PTPRG: variants seen among roughly 807,000 people sequenced by gnomAD.
PTPRG encodes the protein receptor-type tyrosine-protein phosphatase gamma.
In PTPRG, 102 loss-of-function variants were observed where a neutral mutation model predicts 165.3. The ratio of observed to expected loss-of-function variants is 0.62; its 90% CI spans 0.53 to 0.73. PTPRG has a LOEUF of 0.73. Ranked by LOEUF, PTPRG falls within the 30% of genes least tolerant of loss-of-function variation. PTPRG has a pLI of 0.00. For synonymous variants in PTPRG, 675 were observed against 669.5 expected, an observed-to-expected ratio of 1.01 and a Z score of -0.13; for missense variants, 1,866 against 1,861.4, an observed-to-expected ratio of 1.00 and a Z score of -0.05.
chr3:61,653,781 C>T (rs1472762673), intron 1 of PTPRG, among the ~76,000 whole-genome samples: 1 of 152,036 alleles, frequency 6.6e-6, no homozygotes, highest in East Asian at 1.9e-4. Flanking sequence ...CTAGAATCTG[C>T]TCGCCTGTGA....
chr3:61,941,296 G>T (rs1468648559), intron 2 of PTPRG, among the ~76,000 whole-genome samples: 1 of 152,198 alleles, frequency 6.6e-6, no homozygotes, highest in Non-Finnish European at 1.5e-5. Context: ...TCTCTATCAG[G>T]GATAATCTCA....
intron 1 of PTPRG, among the ~76,000 whole-genome samples, chr3:61,658,026 A>G (rs2107012458): frequency 6.6e-6 from 1 of 152,292 alleles, no homozygotes; most frequent in East Asian, 1.9e-4. Flanking sequence ...CTATGGACAG[A>G]CACACTCCAT....
chr3:61,795,084 T>TC (rs1299505257), intron 2 of PTPRG, among the ~76,000 whole-genome samples: 1 of 152,192 alleles, frequency 6.6e-6, no homozygotes, highest in African/African-American at 2.4e-5. Flanking sequence ...CATTTAATCC[T>TC]CCTGCCAGCC....
At chr3:62,156,970 G>A (rs1236003241) in intron 6 of PTPRG, 97 bp from the exon 7 acceptor site, 4 of 1,094,698 alleles carry the variant, frequency 3.7e-6, no homozygotes, top group South Asian at 1.4e-5. Context: ...TAAGGCTTGC[G>A]ATGTGGCACC....
chr3:62,265,896 T>TACACACACACAC lies in PTPRG; in HGVS notation c.2657-1495_2657-1484dup, dbSNP rs143246257. ...CACACGTATACATCTGTGCCTTATATACACACACACACACACACACACACA... is the reference window on the plus strand; with the variant it reads ...CACACGTATACATCTGTGCCTTATATACACACACACACACACACACACACACACACACACACA... On this transcript the variant is annotated intron_variant, in intron 17 of 29. Transcript: ENST00000474889. Among the ~76,000 whole-genome samples the TACACACACACAC allele has an allele frequency of 2.3e-3, 306 of 130,594 alleles. 3 individuals carry two copies. The highest frequency in any genetic ancestry group is 5.8e-3 in the African/African-American group (199 of 34,428). 85.7% of individuals were successfully genotyped at this position (130,594 alleles called of 152,430 possible).
Position 62,255,025 on chromosome 3 carries a change from A to C in PTPRG, c.2468-99A>C. 9.7e-7 allele frequency: 1 copy of C among 1,030,460 alleles called. No homozygotes were observed. Among genetic ancestry groups the C allele is most frequent in the Non-Finnish European group, 1.4e-6 (1 of 704,896 alleles). The allele number at this position is 1,030,460 out of a possible 1,614,324, so 63.8% of individuals were successfully genotyped here. On this transcript the variant is annotated intron_variant, in intron 15 of 29. Coordinates refer to ENST00000474889, the MANE Select transcript of PTPRG (RefSeq NM_002841.4). The surrounding 1 kb of genome is among the most constrained non-coding windows in gnomAD (Gnocchi z 4.0). The stretch of plus-strand genomic sequence containing the variant: ...TGATACAATTATTTTGCTCTTTGCA[A>C]AAATCAAGTATTTGTCTTAAGGATG...
At chr3:61,902,140 T>A (rs1393773597) in intron 2 of PTPRG, among the ~76,000 whole-genome samples, 3 of 152,240 alleles carry the variant, frequency 2.0e-5, no homozygotes, top group Non-Finnish European at 4.4e-5. Context: ...GTGTACCATA[T>A]GCAGACTGTT....
rs529103713 is a variant in PTPRG at position 61,949,988 on chromosome 3, C to T, written c.191-39637C>T. 5.3e-5 allele frequency among the ~76,000 whole-genome samples: 8 copies of T among 152,268 alleles called. No individual in the cohort carries two copies. The East Asian group carries it at 1.5e-3, about 29-fold the overall frequency. ...GTCTCAATCTCTTGACCTCATGATC[C>T]GCCTGCCTCGCCCTCCCAATGTGCT... On this transcript the variant is annotated intron_variant, in intron 2 of 29. Coordinates refer to ENST00000474889, the MANE Select transcript of PTPRG (RefSeq NM_002841.4).
At chr3:61,670,689 C>T (rs1350737843) in intron 1 of PTPRG, among the ~76,000 whole-genome samples, 1 of 152,104 alleles carries the variant, frequency 6.6e-6, no homozygotes, top group Admixed American at 6.5e-5. Flanking sequence ...TCTCGCAGTC[C>T]CCCGGCATTT....
intron 2 of PTPRG, among the ~76,000 whole-genome samples, chr3:61,870,402 T>G (rs923565487): frequency 1.0e-4 from 15 of 143,156 alleles, no homozygotes; most frequent in African/African-American, 3.9e-4. Context: ...AGCCTCCACC[T>G]CCTGGGTTCA....
chr3:61,994,347 A>G (rs891160487), intron 3 of PTPRG, among the ~76,000 whole-genome samples: 1 of 152,116 alleles, frequency 6.6e-6, no homozygotes, highest in Non-Finnish European at 1.5e-5. Context: ...ACTTTTTCTT[A>G]TATCCCACAC....
chr3:61,887,123 C>CACATATATATAT (rs2038061637), intron 2 of PTPRG, among the ~76,000 whole-genome samples: 1 of 85,976 alleles, frequency 1.2e-5, no homozygotes, highest in Non-Finnish European at 1.9e-5. Flanking sequence ...CCATAGCATG[C>CACATATATATAT]ATATATATAT....
intron 1 of PTPRG, among the ~76,000 whole-genome samples, chr3:61,572,811 C>G (rs534041500): frequency 1.3e-5 from 2 of 152,212 alleles, no homozygotes; most frequent in South Asian, 2.1e-4. Context: ...GGGCACACAC[C>G]TGTCCCGTAG....
At chr3:61,704,681 C>G (rs2031158139) in intron 1 of PTPRG, among the ~76,000 whole-genome samples, 1 of 150,948 alleles carries the variant, frequency 6.6e-6, no homozygotes, top group Admixed American at 6.6e-5. Flanking sequence ...AAGAAAAACT[C>G]CTCTGAGAAA....
intron 2 of PTPRG, among the ~76,000 whole-genome samples, chr3:61,829,022 A>G (rs2036192896): frequency 6.6e-6 from 1 of 152,166 alleles, no homozygotes. Context: ...ATATAGATAT[A>G]TATCCTTAGC....
At position 62,273,277 on chromosome 3, in the gene PTPRG, A is replaced by G. The variant is rs1441369791; in HGVS notation, c.3318+196A>G. Among the ~76,000 whole-genome samples the G allele has an allele frequency of 6.6e-6, 1 of 152,210 alleles. No homozygotes were observed. Among genetic ancestry groups the G allele is most frequent in the Non-Finnish European group, 1.5e-5 (1 of 68,038 alleles). ...TTTCTGTATGGATCTTAACATTTGG[A>G]TTCCTAAATAACTACACAAGTACTT... is the stretch of plus-strand genomic sequence containing the variant. On this transcript the variant is annotated intron_variant, in intron 22 of 29. Coordinates refer to ENST00000474889, the MANE Select transcript of PTPRG (RefSeq NM_002841.4). This position sits in a 1 kb window ranked among gnomAD's most constrained non-coding sequence, Gnocchi z 4.1.
chr3:61,897,702 G>A (rs951509980), intron 2 of PTPRG, among the ~76,000 whole-genome samples: 4 of 152,072 alleles, frequency 2.6e-5, no homozygotes, highest in African/African-American at 9.7e-5. Context: ...TTGAGTCTAG[G>A]AACACACTGT....
chr3:61,854,512 T>C (rs2037048587), intron 2 of PTPRG, among the ~76,000 whole-genome samples: 1 of 152,236 alleles, frequency 6.6e-6, no homozygotes, highest in African/African-American at 2.4e-5. Context: ...TCTGTGCCTG[T>C]TCAGTGTGTA....
chr3:61,800,547 A>C (rs1292574547), intron 2 of PTPRG, among the ~76,000 whole-genome samples: 2 of 151,972 alleles, frequency 1.3e-5, no homozygotes, highest in Admixed American at 6.6e-5. Flanking sequence ...CCCTAGTCTG[A>C]TTTCTCAGGA....
Sources: gnomAD v4.1 joint callset for allele counts (sites outside exome capture counted in the v4.1 genomes callset) on GRCh38, gnomAD v4.1.1 for gene constraint, Gnocchi (gnomAD v3.1) non-coding constraint, MANE v1.5 for transcripts, NCBI Gene and HGNC (gene_info 2026-07-23, HGNC 2026-07-21) for gene names.